Variants in EYS observed in about 807,000 individuals in gnomAD.
The protein encoded by EYS is EGF-like photoreceptor maintenance factor.
Under a neutral mutation model 282.1 loss-of-function variants are expected in EYS, and 250 were observed. The observed-to-expected ratio is 0.89, with a 90% confidence interval of 0.80 to 0.98. The LOEUF (loss-of-function observed/expected upper bound fraction) is 0.98. Among genes scored for constraint, EYS ranks in the 50% least tolerant of loss-of-function variants. The pLI, the probability that EYS is intolerant of heterozygous loss-of-function variation, is 0.00. For missense variants in EYS, 4,016 were observed against 3,709.0 expected, an observed-to-expected ratio of 1.08 and a Z score of -2.15; for synonymous variants, 1,355 against 1,282.9, an observed-to-expected ratio of 1.06 and a Z score of -1.20.
At chr6:63,904,000 C>T (rs1438549750) in intron 35 of EYS, among the ~76,000 whole-genome samples, 5 of 152,216 alleles carry the variant, frequency 3.3e-5, no homozygotes, top group African/African-American at 4.8e-5. Context: ...CTGCCAAAAG[C>T]TTACTTTAAG....
chr6:64,071,835 C>T (rs1582228391), intron 32 of EYS, among the ~76,000 whole-genome samples: 2 of 151,488 alleles, frequency 1.3e-5, no homozygotes, highest in African/African-American at 4.8e-5. Context: ...AAAACCAACT[C>T]TGAGGAAAAT....
chr6:64,277,359 A>G (rs942626189), intron 30 of EYS, among the ~76,000 whole-genome samples: 4 of 152,126 alleles, frequency 2.6e-5, no homozygotes, highest in African/African-American at 7.2e-5. Flanking sequence ...AATAATTCCA[A>G]TGAGAAAATT....
At chr6:65,071,929 C>T (rs943742521) in intron 12 of EYS, among the ~76,000 whole-genome samples, 11 of 151,664 alleles carry the variant, frequency 7.3e-5, no homozygotes, top group African/African-American at 2.7e-4. Flanking sequence ...GAATTGCATC[C>T]CTTTTTGCTC....
intron 12 of EYS, among the ~76,000 whole-genome samples, chr6:65,165,587 C>G (rs1035020470): frequency 1.3e-5 from 2 of 150,626 alleles, no homozygotes; most frequent in Admixed American, 1.3e-4. Flanking sequence ...CTCTTTTTAC[C>G]CTTTGGCTTC....
intron 2 of EYS, among the ~76,000 whole-genome samples, chr6:65,618,895 C>G (rs1490622407): frequency 3.3e-5 from 5 of 152,120 alleles, no homozygotes; most frequent in Non-Finnish European, 7.3e-5. Context: ...GGGCTCTGTT[C>G]TGTTCCATTG....
intron 35 of EYS, among the ~76,000 whole-genome samples, chr6:63,926,941 A>AT (rs889413943): frequency 6.6e-6 from 1 of 152,162 alleles, no homozygotes; most frequent in Non-Finnish European, 1.5e-5. Flanking sequence ...ATATTTGTGG[A>AT]TTTTTTCAAA....
chr6:64,395,421 T>G (rs141458718), intron 28 of EYS, among the ~76,000 whole-genome samples: 6,256 of 152,176 alleles, frequency 0.041, 415 homozygotes, highest in African/African-American at 0.14. Flanking sequence ...AGAAAATGTG[T>G]CACATATACA....
intron 31 of EYS, among the ~76,000 whole-genome samples, chr6:64,128,418 G>A (rs1021117326): frequency 2.0e-5 from 3 of 151,998 alleles, no homozygotes; most frequent in Non-Finnish European, 4.4e-5. Context: ...TATATACTAT[G>A]AAATCAACAA....
chr6:64,740,716 T>G (rs1426787502), intron 22 of EYS, among the ~76,000 whole-genome samples: 3 of 1,580 alleles, frequency 1.9e-3, no homozygotes, highest in Non-Finnish European at 0.013. Flanking sequence ...ATATGTCCAC[T>G]TTTTTTTTTT....
chr6:65,616,011 C>T (rs1374564173), intron 2 of EYS, among the ~76,000 whole-genome samples: 1 of 151,520 alleles, frequency 6.6e-6, no homozygotes, highest in African/African-American at 2.4e-5. Context: ...AACTTCTTGA[C>T]ACAAAATTGT....
intron 5 of EYS, among the ~76,000 whole-genome samples, chr6:65,471,403 A>G (rs1765213338): frequency 6.6e-6 from 1 of 152,082 alleles, no homozygotes; most frequent in African/African-American, 2.4e-5. Context: ...TTTAAAAACA[A>G]AAACAAAAAA....
chr6:64,347,588 C>T lies in EYS; in HGVS notation c.6079-40506G>A, dbSNP rs537226090. Reference sequence around the variant, plus strand: ...CTACTTATGCATATGTTTGAAGATACGCAAAGAAAAAAAAACTCTTACTAT... The same window carrying T: ...CTACTTATGCATATGTTTGAAGATATGCAAAGAAAAAAAAACTCTTACTAT... On this transcript the variant is annotated intron_variant, in intron 29 of 42. Coordinates refer to ENST00000503581, the MANE Select transcript of EYS (RefSeq NM_001142800.2). 1.2e-3 allele frequency among the ~76,000 whole-genome samples: 93 copies of T among 76,246 alleles called. 1 individual carries two copies. The highest frequency in any genetic ancestry group is 4.6e-3 in the African/African-American group (81 of 17,724). The allele number at this position is 76,246 out of a possible 152,430, so 50.0% of individuals were successfully genotyped here.
At chr6:65,420,559 T>C (rs1767416231) in intron 5 of EYS, among the ~76,000 whole-genome samples, 1 of 147,162 alleles carries the variant, frequency 6.8e-6, no homozygotes, top group Admixed American at 6.7e-5. Context: ...CCTGTTATTG[T>C]TGACATTTTG....
At chr6:65,646,521 C>A (rs1267998692) in intron 1 of EYS, among the ~76,000 whole-genome samples, 1 of 152,060 alleles carries the variant, frequency 6.6e-6, no homozygotes, top group African/African-American at 2.4e-5. Context: ...AAGGGACATA[C>A]CTTAAGGTAA....
At chr6:64,845,901 G>C (rs931199607) in intron 19 of EYS, among the ~76,000 whole-genome samples, 1 of 152,030 alleles carries the variant, frequency 6.6e-6, no homozygotes, top group Non-Finnish European at 1.5e-5. Flanking sequence ...TTATAAGTCT[G>C]CTGCTTTAAC....
intron 14 of EYS, among the ~76,000 whole-genome samples, chr6:64,957,565 GAAATAACTA>G (rs1769753573): frequency 6.6e-6 from 1 of 152,064 alleles, no homozygotes; most frequent in African/African-American, 2.4e-5. Context: ...TGTACATTTT[GAAATAACTA>G]AAATAGTGTA....
At chr6:63,899,796 A>C (rs1026803304) in intron 35 of EYS, among the ~76,000 whole-genome samples, 5 of 152,230 alleles carry the variant, frequency 3.3e-5, no homozygotes, top group African/African-American at 1.2e-4. Context: ...CATATGCTCT[A>C]TATATCAAGA....
chr6:65,633,049 G>A (rs1188749682), intron 2 of EYS, among the ~76,000 whole-genome samples: 1 of 152,110 alleles, frequency 6.6e-6, no homozygotes, highest in Admixed American at 6.5e-5. Flanking sequence ...TAAATGAGAA[G>A]TCAAAAAGGT....
chr6:63,991,897 C>T (rs773003123), intron 34 of EYS, among the ~76,000 whole-genome samples: 24 of 151,648 alleles, frequency 1.6e-4, no homozygotes, highest in Admixed American at 6.6e-5. Flanking sequence ...AGATTTTTTT[C>T]CACAGAAACC....
Sources: gnomAD v4.1 joint callset for allele counts (sites outside exome capture counted in the v4.1 genomes callset) on GRCh38, gnomAD v4.1.1 for gene constraint, MANE v1.5 for transcripts, NCBI Gene and HGNC (gene_info 2026-07-23, HGNC 2026-07-21) for gene names.